Variants in HLX observed in about 807,000 individuals in gnomAD.
HLX encodes H2.0 like homeobox.
In HLX, 6 loss-of-function variants were observed where a neutral mutation model predicts 27.7. That is an observed-to-expected ratio of 0.22 (90% confidence interval 0.12 to 0.43). The LOEUF (loss-of-function observed/expected upper bound fraction) is 0.43. Ranked by LOEUF, HLX falls within the 20% of genes least tolerant of loss-of-function variation. The pLI, the probability that HLX is intolerant of heterozygous loss-of-function variation, is 1.00. For synonymous variants in HLX, 328 were observed against 293.8 expected (o/e 1.12, Z -1.19); for missense variants, 666 against 655.2 (o/e 1.02, Z -0.18).
Position 220,879,698 on chromosome 1 carries a change from C to T in HLX, c.-160C>T. 2 of 1,162,580 alleles carry T rather than the reference C, an allele frequency of 1.7e-6. No homozygotes were observed. The highest frequency in any genetic ancestry group is 2.3e-6 in the Non-Finnish European group (2 of 872,806). The allele number at this position is 1,162,580 out of a possible 1,614,324, so 72.0% of individuals were successfully genotyped here. A position where few individuals can be genotyped will look rare whatever the true frequency, so the allele number is the denominator to read the frequency against. On this transcript the variant is annotated 5_prime_UTR_variant, in exon 1 of 4. Transcript: ENST00000366903. ...CGGCCCTCGCCTCCTCCCTCGGTGG[C>T]GCTAGGGCTCCCGGCCTCTCTTCCT...
chr1:220,883,839 T>G, intron 3 of HLX: 1 of 292,444 alleles, frequency 3.4e-6, no homozygotes. Flanking sequence ...CTCATGGGGG[T>G]CCTGGCATAA....
At chr1:220,881,793 C>G in intron 2 of HLX, 1 of 402,170 alleles carries the variant, frequency 2.5e-6, no homozygotes, top group South Asian at 2.1e-5. Flanking sequence ...CACACACACA[C>G]ACACACACAC....
chr1:220,882,764 C>G, intron 3 of HLX: 1 of 192,620 alleles, frequency 5.2e-6, no homozygotes, highest in Admixed American at 5.3e-5. Context: ...CTCACCCTCC[C>G]TCCTTCCTCC....
chr1:220,882,547 G>A, intron 3 of HLX, 199 bp downstream of exon 3: 5 of 590,972 alleles, frequency 8.5e-6, no homozygotes, highest in Middle Eastern at 4.5e-4. Flanking sequence ...GAGAAGGACC[G>A]AGAGAAGAGC....
intron 2 of HLX, chr1:220,881,838 A>C: frequency 2.4e-6 from 1 of 425,456 alleles, no homozygotes; most frequent in Non-Finnish European, 4.4e-6. Flanking sequence ...CAGGGCTGTC[A>C]TCATTCAGGC....
At position 220,881,313 on chromosome 1, in the gene HLX, A is replaced by T. The variant is rs897911977; in HGVS notation, c.712A>T (p.Ser238Cys). ...CATTAACGAGGCTTCTGCAATCCTG[A>T]GTCCCTTAAACTCGAACCCAAGAAA... ...DPINEASAIL[S>C]PLNSNPRNSV... is the part of the protein sequence containing the mutation. Residue 238 changes from serine to cysteine, a missense_variant, in exon 2 of 4, where the codon AGT becomes TGT. Transcript: ENST00000366903. 6.2e-7 allele frequency: 1 copy of T among 1,614,124 alleles called. No individual in the cohort carries two copies. Among genetic ancestry groups the T allele is most frequent in the Non-Finnish European group, 8.5e-7 (1 of 1,179,948 alleles).
intron 1 of HLX, 132 bp from the exon 2 acceptor site, chr1:220,881,062 C>T: frequency 3.7e-6 from 3 of 819,690 alleles, no homozygotes; most frequent in Non-Finnish European, 4.0e-6. Flanking sequence ...GAGGTTTCAG[C>T]GCCTAGACGG....
Position 220,879,932 on chromosome 1 carries a change from C to T in HLX, c.75C>T (p.Ala25=). The change falls in exon 1 of 4, where the codon GCC becomes GCT. Residue 25 remains alanine, a synonymous_variant. Transcript: ENST00000366903. The stretch of plus-strand genomic sequence containing the variant: ...GGTCGGCCGCTTACTGCTCCTCGGC[C>T]GGCCCAGGCGGCTGCTCCTTCCCCT... ...SLWSAAYCSS[A]GPGGCSFPLD... The T allele has an allele frequency of 6.3e-7, 1 of 1,597,644 alleles. No individual in the cohort carries two copies. The highest frequency in any genetic ancestry group is 1.1e-5 in the South Asian group (1 of 90,384).
In HLX at chr1:220,884,106, G is replaced by T. The variant is rs1674515974; in HGVS notation, c.958-89G>T. 1.5e-6 allele frequency: 2 copies of T among 1,339,368 alleles called. No homozygotes were observed. The highest frequency in any genetic ancestry group is 2.3e-5 in the East Asian group (1 of 43,242). 83.0% of individuals were successfully genotyped at this position (1,339,368 alleles called of 1,614,324 possible). On this transcript the variant is annotated intron_variant, in intron 3 of 3. Transcript: ENST00000366903. The surrounding 1 kb of genome is among the most constrained non-coding windows in gnomAD (Gnocchi z 4.9). ...AAGCGTTGCTTTTTCACTCAGGGAG[G>T]TGGCTTGAGGGTGCACGCGAGTCGG...
Position 220,884,046 on chromosome 1 carries a change from AC to A in HLX, c.958-147del. On this transcript the variant is annotated intron_variant, in intron 3 of 3. Transcript: ENST00000366903. The surrounding 1 kb of genome is among the most constrained non-coding windows in gnomAD (Gnocchi z 4.9). ...GGGCTGCCCCTTGGCTCCTGCGCCT[AC>A]CACAGTGTCTGGTCCTTGGTAGAGT... 2 of 792,656 alleles carry A rather than the reference AC, an allele frequency of 2.5e-6. No individual in the cohort carries two copies. The highest frequency in any genetic ancestry group is 2.1e-6 in the Non-Finnish European group (1 of 476,000). 49.1% of individuals were successfully genotyped at this position (792,656 alleles called of 1,614,324 possible). A position where few individuals can be genotyped will look rare whatever the true frequency, so the allele number is the denominator to read the frequency against.
Position 220,884,724 on chromosome 1 carries a change from G to A in HLX, c.*20G>A. The A allele has an allele frequency of 3.7e-6, 6 of 1,603,902 alleles. No individual in the cohort carries two copies. The Middle Eastern group carries it at 1.0e-3, about 266-fold the overall frequency. On this transcript the variant is annotated 3_prime_UTR_variant, in exon 4 of 4. Coordinates refer to ENST00000366903, the MANE Select transcript of HLX (RefSeq NM_021958.4). This position sits in a 1 kb window ranked among gnomAD's most constrained non-coding sequence, Gnocchi z 4.9. ...TTATAGACTGTACTAGGGCGGAGGG[G>A]ATCCGGGCCTTGCGTGCAGCCTCCC...
Position 220,884,610 on chromosome 1 carries a change from G to GCGGCGC in HLX, c.1375_1380dup (p.Gly459_Ala460dup). 1 of 1,607,870 alleles carries GCGGCGC rather than the reference G, an allele frequency of 6.2e-7. No individual in the cohort carries two copies. The highest frequency in any genetic ancestry group is 8.5e-7 in the Non-Finnish European group (1 of 1,177,476). ...GGTTGCGCCAGCAGCCTTGGCGGCG[G>GCGGCGC]CGGCGCCTCGGAGCTTCTCCCTGCA... On this transcript the variant is annotated inframe_insertion, in exon 4 of 4. Transcript: ENST00000366903. The surrounding 1 kb of genome is among the most constrained non-coding windows in gnomAD (Gnocchi z 4.9).
Position 220,879,784 on chromosome 1 carries a change from C to T in HLX, c.-74C>T. On this transcript the variant is annotated 5_prime_UTR_variant, in exon 1 of 4. Transcript: ENST00000366903. ...GGCTGCCGCCGCCTTCTCCGGGACT[C>T]GCGCGCCCCTCCCCGCGCGCCCACC... 2 of 1,470,244 alleles carry T rather than the reference C, an allele frequency of 1.4e-6. No homozygotes were observed. The highest frequency in any genetic ancestry group is 2.7e-5 in the South Asian group (2 of 74,698). The allele number at this position is 1,470,244 out of a possible 1,614,324, so 91.1% of individuals were successfully genotyped here.
At position 220,879,637 on chromosome 1, in the gene HLX, C is replaced by T; in HGVS notation, c.-221C>T. On this transcript the variant is annotated 5_prime_UTR_variant, in exon 1 of 4. Transcript: ENST00000366903. ...TGCGGGCGCCGCGCCGCCTTTAAAG[C>T]GAGGCCAGGGAGCGAGGCGGTGACC... 1.7e-5 allele frequency: 12 copies of T among 693,276 alleles called. No homozygotes were observed. The highest frequency in any genetic ancestry group is 2.2e-5 in the Non-Finnish European group (10 of 455,712). The allele number at this position is 693,276 out of a possible 1,614,324, so 42.9% of individuals were successfully genotyped here.
chr1:220,882,052 G>A, intron 2 of HLX, 112 bp from the exon 3 acceptor site: 1 of 969,950 alleles, frequency 1.0e-6, no homozygotes. Flanking sequence ...GGAATCGACA[G>A]TTAACACGAA....
chr1:220,882,294 G>T lies in HLX; in HGVS notation c.903G>T (p.Val301=). 1 of 1,614,240 alleles carries T rather than the reference G, an allele frequency of 6.2e-7. No homozygotes were observed. Among genetic ancestry groups the T allele is most frequent in the South Asian group, 1.1e-5 (1 of 91,070 alleles). ...AAAGGTTTGAGATTCAGAAGTACGT[G>T]ACCAAGCCGGACCGAAAGCAGCTGG... ...LEKRFEIQKY[V]TKPDRKQLAA... Residue 301 remains valine (V), a synonymous_variant, in exon 3 of 4, where the codon GTG becomes GTT. Transcript: ENST00000366903.
chr1:220,884,209 C>A lies in HLX; in HGVS notation c.972C>A (p.Phe324Leu). 6.2e-7 allele frequency: 1 copy of A among 1,613,958 alleles called. No individual in the cohort carries two copies. Among genetic ancestry groups the A allele is most frequent in the Non-Finnish European group, 8.5e-7 (1 of 1,180,006 alleles). The change falls in exon 4 of 4, where the codon TTC becomes TTA. Residue 324 changes from phenylalanine (F) to leucine (L), a missense_variant. Transcript: ENST00000366903. The surrounding 1 kb of genome is among the most constrained non-coding windows in gnomAD (Gnocchi z 4.9). ...GLTDAQVKVW[F>L]QNRRMKWRHS... The stretch of plus-strand genomic sequence containing the variant: ...GCGCGGCGCAGGTGAAGGTGTGGTT[C>A]CAGAACCGGCGGATGAAGTGGCGGC...
At chr1:220,881,052 G>A (rs993082096) in intron 1 of HLX, 142 bp from the exon 2 acceptor site, 1 of 759,526 alleles carries the variant, frequency 1.3e-6, no homozygotes, top group African/African-American at 1.8e-5. Flanking sequence ...TTGGGAGAGA[G>A]AGGTTTCAGC....
In HLX at chr1:220,879,913, C is replaced by G. The variant is rs1157694463; in HGVS notation, c.56C>G (p.Ala19Gly). 2.5e-6 allele frequency: 4 copies of G among 1,595,310 alleles called. No homozygotes were observed. Among genetic ancestry groups the G allele is most frequent in the Non-Finnish European group, 3.4e-6 (4 of 1,176,874 alleles). Reference sequence around the variant, plus strand: ...GCCTCCAACTTCAGCCTCTGGTCGGCCGCTTACTGCTCCTCGGCCGGCCCA... The same window carrying G: ...GCCTCCAACTTCAGCCTCTGGTCGGGCGCTTACTGCTCCTCGGCCGGCCCA... ...FYASNFSLWS[A>G]AYCSSAGPGG... Residue 19 changes from alanine to glycine, a missense_variant, in exon 1 of 4, where the codon GCC becomes GGC. Transcript: ENST00000366903.
Sources: allele counts gnomAD v4.1 joint callset, GRCh38; gene constraint gnomAD v4.1.1; non-coding constraint Gnocchi (gnomAD v3.1); transcripts MANE v1.5; gene names NCBI Gene and HGNC (gene_info 2026-07-23, HGNC 2026-07-21).